Variants in WHAMM observed in about 807,000 individuals in gnomAD.
The protein encoded by WHAMM is WASP homolog-associated protein with actin, membranes and microtubules.
Under a neutral mutation model 76.5 loss-of-function variants are expected in WHAMM, and 67 were observed. That is an observed-to-expected ratio of 0.88 (90% CI 0.72 to 1.07). WHAMM has a LOEUF of 1.07. WHAMM is among the 50% of genes least tolerant of loss of function. WHAMM has a pLI of 0.00. For synonymous variants in WHAMM, 419 were observed against 422.1 expected, an observed-to-expected ratio of 0.99 and a Z score of 0.09; for missense variants, 1,021 against 1,051.1, an observed-to-expected ratio of 0.97 and a Z score of 0.40.
In WHAMM at chr15:82,835,104, A is replaced by C. The variant is rs2051110370; in HGVS notation, c.*1568A>C. The C allele has an allele frequency of 6.7e-6, 1 of 150,330 alleles. No homozygotes were observed. Among genetic ancestry groups the C allele is most frequent in the African/African-American group, 2.5e-5 (1 of 40,482 alleles). The allele number at this position is 150,330 out of a possible 1,614,324, so 9.3% of individuals were successfully genotyped here. Reference sequence around the variant, plus strand: ...ACAAAGAAAGTCCTGATTGATATAGAACAGAAATCTTCCTACTTCAGTTTT... The same window carrying C: ...ACAAAGAAAGTCCTGATTGATATAGCACAGAAATCTTCCTACTTCAGTTTT... On this transcript the variant is annotated 3_prime_UTR_variant, in exon 10 of 10. Transcript: ENST00000286760.
At chr15:82,826,570 A>C (rs569601988) in intron 7 of WHAMM, 74 bp downstream of exon 7, 2 of 1,587,826 alleles carry the variant, frequency 1.3e-6, no homozygotes. Flanking sequence ...TGGAAACTGG[A>C]GTTGCGCTGC....
chr15:82,826,117 CATT>C (rs1447646608), intron 6 of WHAMM, among the ~76,000 whole-genome samples: 2 of 152,128 alleles, frequency 1.3e-5, no homozygotes, highest in African/African-American at 4.8e-5. Context: ...CACATTAAAA[CATT>C]GTTGGGACAC....
At chr15:82,813,790 G>A (rs150906044) in intron 2 of WHAMM, among the ~76,000 whole-genome samples, 40 of 151,130 alleles carry the variant, frequency 2.6e-4, no homozygotes, top group African/African-American at 9.7e-4. Flanking sequence ...CTGAGTAGCT[G>A]GGATTACAGG....
intron 4 of WHAMM, among the ~76,000 whole-genome samples, chr15:82,818,853 T>C: frequency 6.6e-6 from 1 of 152,240 alleles, no homozygotes; most frequent in Non-Finnish European, 1.5e-5. Context: ...TCCTGTCTGG[T>C]AGACAGCTGC....
In WHAMM at chr15:82,833,429, A is replaced by G. The variant is rs1345573346; in HGVS notation, c.2323A>G (p.Ser775Gly). 5 of 1,613,924 alleles carry G rather than the reference A, an allele frequency of 3.1e-6. No homozygotes were observed. In the African/African-American group the frequency reaches 5.3e-5, roughly 17 times the overall value. ...CAAACCAACCAGCAACAGACGCACC[A>G]GTGACCTTGAGAGGAGCATCAAGGC... Reference protein sequence around the residue: ...SSKPTSNRRTSDLERSIKAAL... With the variant: ...SSKPTSNRRTGDLERSIKAAL... The change falls in exon 10 of 10, where the codon AGT (serine) becomes GGT (glycine). Residue 775 changes from serine (S) to glycine (G), a missense_variant. Physicochemically the swap from Ser to Gly is moderately conservative, Grantham distance 56 (BLOSUM62 0). Coordinates refer to ENST00000286760, the MANE Select transcript of WHAMM (RefSeq NM_001080435.3).
At chr15:82,824,137 T>C (rs2050887313) in intron 6 of WHAMM, among the ~76,000 whole-genome samples, 1 of 148,344 alleles carries the variant, frequency 6.7e-6, no homozygotes, top group Non-Finnish European at 1.5e-5. Context: ...TATATGTATT[T>C]ACTCATATTT....
intron 4 of WHAMM, among the ~76,000 whole-genome samples, chr15:82,818,884 A>G (rs2050772743): frequency 6.6e-6 from 1 of 152,224 alleles, no homozygotes; most frequent in South Asian, 2.1e-4. Context: ...GAGTGCTCAT[A>G]TAGCCTTTCT....
chr15:82,810,522 G>A (rs2151554331), intron 1 of WHAMM, 187 bp downstream of exon 1: 1 of 985,464 alleles, frequency 1.0e-6, no homozygotes, highest in Admixed American at 6.1e-5. Context: ...GGGAGCTGCG[G>A]GAGGGTCTGC....
In WHAMM at chr15:82,830,630, C is replaced by G. The variant is rs376612448; in HGVS notation, c.1673C>G (p.Ser558Cys). The G allele has an allele frequency of 6.2e-7, 1 of 1,613,800 alleles. No individual in the cohort carries two copies. The highest frequency in any genetic ancestry group is 1.7e-4 in the Middle Eastern group (1 of 5,930). The change falls in exon 9 of 10, where the codon TCT becomes TGT. Residue 558 changes from serine to cysteine, a missense_variant. By Grantham distance (112) the Ser-to-Cys change is moderately radical (BLOSUM62 -1). Around this residue, in one of 3 missense-constraint regions of WHAMM, gnomAD observed 509 missense variants for 492.3 expected, o/e 1.03. Transcript: ENST00000286760. The stretch of plus-strand genomic sequence containing the variant: ...CTAGCTCAATCTGTCCGAAACACCT[C>G]TGGCTCAGAACCTGTGGCTCCAAAC... Reference protein sequence around the residue: ...KRLAQSVRNTSGSEPVAPNLP... With the variant: ...KRLAQSVRNTCGSEPVAPNLP...
chr15:82,817,295 G>C (rs1164139031), intron 3 of WHAMM, among the ~76,000 whole-genome samples: 1 of 152,218 alleles, frequency 6.6e-6, no homozygotes, highest in East Asian at 1.9e-4. Context: ...AACCTGCGGG[G>C]CTGGATCGCA....
chr15:82,816,195 G>T (rs1323586869), intron 2 of WHAMM, among the ~76,000 whole-genome samples: 1 of 152,104 alleles, frequency 6.6e-6, no homozygotes, highest in Admixed American at 6.5e-5. Flanking sequence ...TGGGGATTTA[G>T]GCTTCAACAT....
chr15:82,831,214 CT>C (rs2051028468), intron 9 of WHAMM, 135 bp downstream of exon 9: 1 of 1,441,434 alleles, frequency 6.9e-7, no homozygotes. Context: ...CCAGTATTTG[CT>C]GCCTTGAGTA....
At chr15:82,819,594 A>T in intron 5 of WHAMM, 106 bp downstream of exon 5, 1 of 596,634 alleles carries the variant, frequency 1.7e-6, no homozygotes. Flanking sequence ...AAAATTTCCT[A>T]AAGTTTTCCT....
chr15:82,833,236 G>T lies in WHAMM; in HGVS notation c.2130G>T (p.Met710Ile). The change falls in exon 10 of 10, where the codon ATG becomes ATT. Residue 710 changes from methionine (M) to isoleucine (I), a missense_variant. Physicochemically the swap from Met to Ile is conservative, Grantham distance 10. Transcript: ENST00000286760. The stretch of plus-strand genomic sequence containing the variant: ...CTGCTTATTCAATTTCAGGATCTAT[G>T]GATGAAGTGTTGGCCTCCTTAAGGC... ...SLESFSCPGS[M>I]DEVLASLRHG... 1 of 1,613,396 alleles carries T rather than the reference G, an allele frequency of 6.2e-7. No individual in the cohort carries two copies. Among genetic ancestry groups the T allele is most frequent in the East Asian group, 2.2e-5 (1 of 44,880 alleles).
At chr15:82,810,363 G>A (rs962082479) in intron 1 of WHAMM, 28 bp downstream of exon 1, 9 of 1,296,578 alleles carry the variant, frequency 6.9e-6, no homozygotes, top group African/African-American at 1.6e-5. Flanking sequence ...GCCGGCGTTC[G>A]TCCGCGCTTC....
chr15:82,830,388 A>G (rs909354363), intron 8 of WHAMM, among the ~76,000 whole-genome samples: 1 of 152,132 alleles, frequency 6.6e-6, no homozygotes, highest in African/African-American at 2.4e-5. Context: ...CAGAGAAGGT[A>G]ATACTTGATC....
intron 1 of WHAMM, 42 bp downstream of exon 1, chr15:82,810,377 G>C: frequency 7.9e-7 from 1 of 1,268,214 alleles, no homozygotes; most frequent in South Asian, 2.8e-5. Flanking sequence ...GCGCTTCCAT[G>C]GCCTGGGACA....
intron 8 of WHAMM, among the ~76,000 whole-genome samples, chr15:82,829,192 C>T (rs2050986743): frequency 6.6e-6 from 1 of 152,356 alleles, no homozygotes; most frequent in Non-Finnish European, 1.5e-5. Context: ...AGAACTCGGC[C>T]AGGCGCCATG....
chr15:82,820,906 A>AG (rs2050812175), intron 5 of WHAMM, among the ~76,000 whole-genome samples: 1 of 39,696 alleles, frequency 2.5e-5, no homozygotes, highest in East Asian at 6.1e-4. Flanking sequence ...CAAAAAAAAA[A>AG]AAAAAAAAAA....
Sources: allele counts gnomAD v4.1 joint callset (sites outside exome capture counted in the v4.1 genomes callset), GRCh38; gene constraint gnomAD v4.1.1; regional missense constraint gnomAD v4.1.1; transcripts MANE v1.5; gene names NCBI Gene and HGNC (gene_info 2026-07-23, HGNC 2026-07-21).